Variants in RNF38 observed in about 807,000 individuals in gnomAD.
RNF38 encodes the protein E3 ubiquitin-protein ligase RNF38.
Under a neutral mutation model 67.2 loss-of-function variants are expected in RNF38, and 15 were observed. The ratio of observed to expected loss-of-function variants is 0.22; its 90% confidence interval spans 0.15 to 0.34. The LOEUF is 0.34. Ranked by LOEUF, RNF38 falls within the 10% of genes least tolerant of loss-of-function variation. RNF38 has a pLI of 1.00. For missense variants in RNF38, 524 were observed against 639.9 expected (o/e 0.82, Z 1.95); for synonymous variants, 220 against 218.8 (o/e 1.01, Z -0.05).
At chr9:36,430,915 T>C (rs1020203553) in intron 1 of RNF38, among the ~76,000 whole-genome samples, 4 of 152,006 alleles carry the variant, frequency 2.6e-5, no homozygotes, top group Non-Finnish European at 4.4e-5. Flanking sequence ...TTATGAGTTG[T>C]CCACACCAAG....
rs566994922 is a variant in RNF38, at chr9:36,458,109, G to A, written n.241+29199C>T. On this transcript the variant is annotated intron_variant and non_coding_transcript_variant, in intron 1 of 3. Coordinates refer to the RNF38 transcript ENST00000488058. ...GTTGCCTCTCCTCACATACACCAAC[G>A]CTTTTGGAATGCAGAGCCTCAATAT... Among the ~76,000 whole-genome samples the A allele has an allele frequency of 3.5e-4, 53 of 152,308 alleles. 1 individual carries two copies. In the South Asian group the frequency reaches 8.9e-3, roughly 26 times the overall value.
chr9:36,401,334 G>A (rs1838024476), upstream of RNF38: 1 of 503,998 alleles, frequency 2.0e-6, no homozygotes, highest in Non-Finnish European at 2.6e-6. Context: ...CGGACCGCAG[G>A]GCCCTGTTCC....
At chr9:36,366,921 TTCTA>T (rs1450742316) in intron 4 of RNF38, among the ~76,000 whole-genome samples, 1 of 152,200 alleles carries the variant, frequency 6.6e-6, no homozygotes, top group Non-Finnish European at 1.5e-5. Context: ...TGCCCCTGCT[TTCTA>T]GGCCCCTGAG....
At chr9:36,415,969 C>T (rs1031505561) in intron 2 of RNF38, among the ~76,000 whole-genome samples, 1 of 151,984 alleles carries the variant, frequency 6.6e-6, no homozygotes, top group Non-Finnish European at 1.5e-5. Context: ...TTCAATACAA[C>T]ATCGACTGCA....
chr9:36,364,856 A>ATGC lies in RNF38; in HGVS notation c.570+4860_570+4862dup, dbSNP rs544402343. Among the ~76,000 whole-genome samples, 286 of 152,336 alleles carry ATGC rather than the reference A, an allele frequency of 1.9e-3. 1 individual carries two copies. The highest frequency in any genetic ancestry group is 2.8e-3 in the Non-Finnish European group (193 of 68,022). On this transcript the variant is annotated intron_variant, in intron 4 of 11. Transcript: ENST00000259605. ...TGCAGTTCTAACAAATATCTAGGTG[A>ATGC]TGCTGCTGCTGCTCAGCTGATTCAG...
chr9:36,399,464 G>A (rs996462815), intron 1 of RNF38, among the ~76,000 whole-genome samples: 14 of 138,062 alleles, frequency 1.0e-4, no homozygotes, highest in Admixed American at 3.8e-4. Context: ...TTTGCAAAAG[G>A]TGAAATATAC....
intron 8 of RNF38, among the ~76,000 whole-genome samples, chr9:36,352,319 A>C (rs776702334): frequency 8.6e-5 from 13 of 152,006 alleles, no homozygotes; most frequent in Admixed American, 2.6e-4. Flanking sequence ...TAAAAAAAAA[A>C]AACAACAAAC....
intron 1 of RNF38, among the ~76,000 whole-genome samples, chr9:36,465,779 G>A (rs1259312975): frequency 2.0e-5 from 3 of 152,102 alleles, no homozygotes; most frequent in Non-Finnish European, 2.9e-5. Flanking sequence ...GGCCGGGCGC[G>A]GTGGCTCACG....
chr9:36,436,880 A>G (rs912599189), intron 1 of RNF38, among the ~76,000 whole-genome samples: 4 of 151,978 alleles, frequency 2.6e-5, no homozygotes, highest in Admixed American at 1.3e-4. Flanking sequence ...ATAATCATCC[A>G]TCCTTTAGTT....
At chr9:36,363,971 T>C (rs1260403901) in intron 4 of RNF38, among the ~76,000 whole-genome samples, 1 of 89,956 alleles carries the variant, frequency 1.1e-5, no homozygotes, top group Admixed American at 1.0e-4. Flanking sequence ...GTACCTGGGA[T>C]AGGCACCCAC....
chr9:36,449,457 A>G (rs1386327897), intron 1 of RNF38, among the ~76,000 whole-genome samples: 1 of 150,436 alleles, frequency 6.6e-6, no homozygotes, highest in Admixed American at 6.6e-5. Context: ...TTTTTTTGAG[A>G]TGGAGCATCA....
intron 4 of RNF38, among the ~76,000 whole-genome samples, chr9:36,367,579 C>G (rs1040105969): frequency 2.6e-5 from 4 of 151,554 alleles, no homozygotes; most frequent in African/African-American, 7.3e-5. Context: ...ATTCTTTTTT[C>G]TTTTTTTTAA....
chr9:36,348,696 T>C (rs1452920383), intron 9 of RNF38, among the ~76,000 whole-genome samples: 2 of 152,202 alleles, frequency 1.3e-5, no homozygotes, highest in Non-Finnish European at 2.9e-5. Context: ...GAAGAAAAGT[T>C]GGAAGCTAGC....
chr9:36,468,151 A>AAG (rs1839909483), intron 1 of RNF38, among the ~76,000 whole-genome samples: 1 of 151,932 alleles, frequency 6.6e-6, no homozygotes, highest in African/African-American at 2.4e-5. Context: ...CTGAGGTGGG[A>AAG]AGACTGCTTG....
chr9:36,417,408 T>C (rs573821091), intron 2 of RNF38, among the ~76,000 whole-genome samples: 11 of 152,360 alleles, frequency 7.2e-5, no homozygotes, highest in Admixed American at 3.3e-4. Flanking sequence ...TTTAAAATTA[T>C]ACATCTTACT....
intron 1 of RNF38, among the ~76,000 whole-genome samples, chr9:36,429,313 GAAGAC>G (rs1838867041): frequency 6.6e-6 from 1 of 152,094 alleles, no homozygotes; most frequent in Non-Finnish European, 1.5e-5. Context: ...CTCCAGTATT[GAAGAC>G]AATGGTCCTC....
At chr9:36,450,202 T>TCC (rs1341048747) in intron 1 of RNF38, among the ~76,000 whole-genome samples, 2 of 152,184 alleles carry the variant, frequency 1.3e-5, no homozygotes, top group Non-Finnish European at 2.9e-5. Context: ...TCCAAAACTT[T>TCC]TTTGTTGCCC....
intron 1 of RNF38, among the ~76,000 whole-genome samples, chr9:36,442,229 C>T (rs1839208380): frequency 6.6e-6 from 1 of 152,172 alleles, no homozygotes; most frequent in Non-Finnish European, 1.5e-5. Flanking sequence ...CTGTTAGACC[C>T]ATCTTTAAAA....
At chr9:36,344,612 A>C (rs1833085118) in intron 10 of RNF38, among the ~76,000 whole-genome samples, 1 of 152,208 alleles carries the variant, frequency 6.6e-6, no homozygotes, top group African/African-American at 2.4e-5. Context: ...AAGACATTTA[A>C]TTTTTAATTT....
Sources: gnomAD v4.1 joint callset for allele counts (sites outside exome capture counted in the v4.1 genomes callset) on GRCh38, gnomAD v4.1.1 for gene constraint, MANE v1.5 for transcripts, NCBI Gene and HGNC (gene_info 2026-07-23, HGNC 2026-07-21) for gene names.